Variants in UNC5D observed in about 807,000 individuals in gnomAD.
The protein encoded by UNC5D is netrin receptor UNC5D.
A neutral mutation model predicts 105.4 loss-of-function variants in UNC5D; 39 were observed. That is an observed-to-expected ratio of 0.37 (90% CI 0.29 to 0.48). The LOEUF (loss-of-function observed/expected upper bound fraction) is 0.48. Ranked by LOEUF, UNC5D falls within the 20% of genes least tolerant of loss-of-function variation. The probability of loss-of-function intolerance (pLI) is 0.98; values close to 1 mark genes in which losing one functional copy is unlikely to be tolerated. For missense variants in UNC5D, 991 were observed against 1,202.4 expected, an observed-to-expected ratio of 0.82 and a Z score of 2.60; for synonymous variants, 452 against 450.4, an observed-to-expected ratio of 1.00 and a Z score of -0.04.
chr8:35,711,322 G>C (rs1827952876), intron 8 of UNC5D, among the ~76,000 whole-genome samples: 3 of 152,012 alleles, frequency 2.0e-5, no homozygotes, highest in Non-Finnish European at 4.4e-5. Context: ...TGAGATTACA[G>C]GTGTCTGCCA....
chr8:35,447,359 G>GT (rs1807867730), intron 1 of UNC5D, among the ~76,000 whole-genome samples: 2 of 152,144 alleles, frequency 1.3e-5, no homozygotes, highest in South Asian at 2.1e-4. Context: ...ATGGCTAGCT[G>GT]TTTTTTAAGA....
chr8:35,565,889 C>A (rs932104753), intron 2 of UNC5D, among the ~76,000 whole-genome samples: 1 of 152,122 alleles, frequency 6.6e-6, no homozygotes, highest in Non-Finnish European at 1.5e-5. Flanking sequence ...CCTTTATTTC[C>A]ACTTTCTGTG....
chr8:35,631,452 C>A (rs1054658967), intron 4 of UNC5D, among the ~76,000 whole-genome samples: 2 of 152,218 alleles, frequency 1.3e-5, no homozygotes, highest in Non-Finnish European at 2.9e-5. Flanking sequence ...GTCCCTTCAA[C>A]TGCACCATGC....
At chr8:35,774,567 C>A in intron 16 of UNC5D, 90 bp downstream of exon 16, 1 of 1,482,926 alleles carries the variant, frequency 6.7e-7, no homozygotes, top group Non-Finnish European at 9.1e-7. Flanking sequence ...TTTCTGAGCC[C>A]TAATATTTTT....
intron 8 of UNC5D, 58 bp from the exon 9 acceptor site, chr8:35,722,152 G>A: frequency 2.5e-6 from 4 of 1,573,928 alleles, no homozygotes; most frequent in Non-Finnish European, 3.5e-6. Context: ...GTATTCCCGA[G>A]TGGTTCTTTG....
At chr8:35,461,620 G>C (rs1389675272) in intron 1 of UNC5D, among the ~76,000 whole-genome samples, 1 of 152,134 alleles carries the variant, frequency 6.6e-6, no homozygotes, top group African/African-American at 2.4e-5. Flanking sequence ...TTGTAGGAGG[G>C]AACAATAACA....
intron 4 of UNC5D, among the ~76,000 whole-genome samples, chr8:35,675,130 A>G (rs1006156010): frequency 6.6e-6 from 1 of 152,220 alleles, no homozygotes; most frequent in South Asian, 2.1e-4. Flanking sequence ...TGTAGCCATT[A>G]TGAAATATTA....
chr8:35,681,895 G>A (rs929190876), intron 4 of UNC5D, among the ~76,000 whole-genome samples: 1 of 151,846 alleles, frequency 6.6e-6, no homozygotes, highest in Non-Finnish European at 1.5e-5. Flanking sequence ...GTTTTCCCCT[G>A]GTAAATAAAT....
At chr8:35,372,290 C>G (rs1014538074) in intron 1 of UNC5D, among the ~76,000 whole-genome samples, 1 of 151,426 alleles carries the variant, frequency 6.6e-6, no homozygotes, top group African/African-American at 2.4e-5. Flanking sequence ...TACCTGGTTA[C>G]GTTTTTGTAT....
intron 1 of UNC5D, among the ~76,000 whole-genome samples, chr8:35,447,020 T>C (rs971917993): frequency 3.3e-5 from 5 of 152,066 alleles, no homozygotes; most frequent in African/African-American, 1.2e-4. Flanking sequence ...ACCACCACCA[T>C]CATCATTGCC....
intron 1 of UNC5D, among the ~76,000 whole-genome samples, chr8:35,297,331 T>A (rs1429207167): frequency 2.6e-5 from 4 of 152,216 alleles, no homozygotes; most frequent in Admixed American, 6.5e-5. Flanking sequence ...AAGCCTTTCC[T>A]ATTTTTTCAA....
intron 1 of UNC5D, among the ~76,000 whole-genome samples, chr8:35,392,033 A>T (rs1376082938): frequency 6.6e-6 from 1 of 152,226 alleles, no homozygotes; most frequent in Non-Finnish European, 1.5e-5. Context: ...TTAAGACTTA[A>T]TAACACAGAT....
chr8:35,450,469 A>G (rs1377416786), intron 1 of UNC5D, among the ~76,000 whole-genome samples: 1 of 152,110 alleles, frequency 6.6e-6, no homozygotes, highest in African/African-American at 2.4e-5. Context: ...TTTCCTTAGA[A>G]TTTTAGGAAG....
At chr8:35,409,926 T>C (rs1437048188) in intron 1 of UNC5D, among the ~76,000 whole-genome samples, 1 of 109,796 alleles carries the variant, frequency 9.1e-6, no homozygotes, top group Non-Finnish European at 1.9e-5. Context: ...GAATCTTAGC[T>C]CTTTTTTTTT....
At chr8:35,588,273 A>G (rs1818927661) in intron 3 of UNC5D, among the ~76,000 whole-genome samples, 1 of 152,014 alleles carries the variant, frequency 6.6e-6, no homozygotes, top group African/African-American at 2.4e-5. Context: ...AACTTAGGAA[A>G]GAGAGGTAGC....
At chr8:35,774,977 G>A (rs1202322114) in intron 16 of UNC5D, among the ~76,000 whole-genome samples, 3 of 149,600 alleles carry the variant, frequency 2.0e-5, no homozygotes, top group African/African-American at 7.5e-5. Context: ...ACCCCATTCT[G>A]CCTTTTGCAA....
rs149879976 is a variant in UNC5D, at chr8:35,533,818, G to A, written c.104-15474G>A. Among the ~76,000 whole-genome samples, 832 of 152,230 alleles carry A rather than the reference G, an allele frequency of 5.5e-3. 8 individuals carry two copies. Among genetic ancestry groups the A allele is most frequent in the African/African-American group, 0.019 (785 of 41,556 alleles). Reference sequence around the variant, plus strand: ...GGGAGTAACCCGATTTTCCAAGTGCGTCCATCACCCCTTTCTTTGACTCGC... The same window carrying A: ...GGGAGTAACCCGATTTTCCAAGTGCATCCATCACCCCTTTCTTTGACTCGC... On this transcript the variant is annotated intron_variant, in intron 1 of 16. Coordinates refer to ENST00000404895, the MANE Select transcript of UNC5D (RefSeq NM_080872.4).
intron 14 of UNC5D, among the ~76,000 whole-genome samples, chr8:35,765,825 T>C (rs963913228): frequency 7.5e-4 from 114 of 152,290 alleles, no homozygotes; most frequent in African/African-American, 2.5e-3. Flanking sequence ...TCTTGCCACC[T>C]TTCAGTTCTA....
chr8:35,246,342 C>A (rs1803096505), intron 1 of UNC5D, among the ~76,000 whole-genome samples: 1 of 152,110 alleles, frequency 6.6e-6, no homozygotes, highest in South Asian at 2.1e-4. Context: ...AATGGGACTT[C>A]ATAATGACGT....
Sources: gnomAD v4.1 joint callset for allele counts (sites outside exome capture counted in the v4.1 genomes callset) on GRCh38, gnomAD v4.1.1 for gene constraint, MANE v1.5 for transcripts, NCBI Gene and HGNC (gene_info 2026-07-23, HGNC 2026-07-21) for gene names.